The following NOL10 variants were observed in gnomAD, a reference collection of about 807,000 sequenced individuals.
The protein encoded by NOL10 is nucleolar protein 10.
In NOL10, 58 loss-of-function variants were observed where a neutral mutation model predicts 103.5. That is an observed-to-expected ratio of 0.56 (90% CI 0.45 to 0.70). The LOEUF (loss-of-function observed/expected upper bound fraction) is 0.70. Among genes scored for constraint, NOL10 ranks in the 30% least tolerant of loss-of-function variants. The pLI is 0.00. For synonymous variants in NOL10, 287 were observed against 282.5 expected (o/e 1.02, Z -0.16); for missense variants, 763 against 807.3 (o/e 0.95, Z 0.67).
chr2:10,683,864 G>T (rs1054931140), intron 2 of NOL10, among the ~76,000 whole-genome samples: 1 of 152,184 alleles, frequency 6.6e-6, no homozygotes, highest in African/African-American at 2.4e-5. Context: ...TCTAGCCCAG[G>T]AGTCTTGCGT....
chr2:10,602,248 G>A (rs1272799938), intron 16 of NOL10, among the ~76,000 whole-genome samples: 2 of 152,256 alleles, frequency 1.3e-5, no homozygotes, highest in Non-Finnish European at 2.9e-5. Context: ...GCAGCTCTGA[G>A]TTGGTGGCTG....
At chr2:10,617,894 G>C (rs543218941) in intron 13 of NOL10, among the ~76,000 whole-genome samples, 22 of 152,274 alleles carry the variant, frequency 1.4e-4, no homozygotes, top group African/African-American at 4.8e-4. Flanking sequence ...CAAATGCATA[G>C]ACAGAAAGTA....
chr2:10,681,269 T>C (rs1410711078), intron 3 of NOL10, among the ~76,000 whole-genome samples: 1 of 141,516 alleles, frequency 7.1e-6, no homozygotes, highest in East Asian at 2.0e-4. Flanking sequence ...TAGAATGAAA[T>C]ATCTTTTGGT....
At chr2:10,631,846 C>G (rs1677869412) in intron 13 of NOL10, among the ~76,000 whole-genome samples, 1 of 152,068 alleles carries the variant, frequency 6.6e-6, no homozygotes, top group Non-Finnish European at 1.5e-5. Flanking sequence ...TCCCTAGTAG[C>G]TGGGATTACA....
At chr2:10,656,472 T>C (rs954715907) in intron 11 of NOL10, among the ~76,000 whole-genome samples, 1 of 152,164 alleles carries the variant, frequency 6.6e-6, no homozygotes, top group Non-Finnish European at 1.5e-5. Flanking sequence ...ATGAATTAGG[T>C]GAGGGCCTCA....
At chr2:10,602,237 C>G (rs756789039) in intron 16 of NOL10, among the ~76,000 whole-genome samples, 3 of 152,234 alleles carry the variant, frequency 2.0e-5, no homozygotes, top group African/African-American at 7.2e-5. Context: ...CAGGCTGTTC[C>G]GCAGCTCTGA....
chr2:10,659,511 T>C (rs1340449067), intron 9 of NOL10, among the ~76,000 whole-genome samples: 6 of 141,758 alleles, frequency 4.2e-5, no homozygotes, highest in African/African-American at 1.5e-4. Context: ...ACACCATCTC[T>C]ACAAAAAATT....
intron 11 of NOL10, among the ~76,000 whole-genome samples, chr2:10,655,256 GAAAGA>G (rs1412222318): frequency 6.7e-6 from 1 of 149,934 alleles, no homozygotes; most frequent in Non-Finnish European, 1.5e-5. Context: ...AGGAAGAAAG[GAAAGA>G]AAAGAAGGGA....
intron 19 of NOL10, among the ~76,000 whole-genome samples, chr2:10,581,943 C>A (rs569446392): frequency 6.6e-6 from 1 of 152,286 alleles, no homozygotes; most frequent in South Asian, 2.1e-4. Flanking sequence ...GTGGTGCACA[C>A]ACAGCCATGA....
intron 2 of NOL10, among the ~76,000 whole-genome samples, chr2:10,682,574 A>AT (rs369657538): frequency 6.6e-6 from 1 of 151,600 alleles, no homozygotes; most frequent in African/African-American, 2.4e-5. Flanking sequence ...GTATTTTTGT[A>AT]TTTTTTGTAG....
chr2:10,621,014 G>A (rs1402686733), intron 13 of NOL10, among the ~76,000 whole-genome samples: 3 of 152,152 alleles, frequency 2.0e-5, no homozygotes, highest in African/African-American at 4.8e-5. Context: ...GGCTGGTCTC[G>A]AACTCCTGAG....
intron 3 of NOL10, among the ~76,000 whole-genome samples, chr2:10,677,153 G>T (rs1225681353): frequency 1.3e-5 from 2 of 152,066 alleles, no homozygotes; most frequent in African/African-American, 4.8e-5. Context: ...TGGCCAGGCT[G>T]GTCTTGAACT....
chr2:10,642,632 G>T (rs1328984265), intron 13 of NOL10, among the ~76,000 whole-genome samples: 1 of 151,890 alleles, frequency 6.6e-6, no homozygotes, highest in African/African-American at 2.4e-5. Flanking sequence ...CCACTCTACT[G>T]TCAAGATCCG....
chr2:10,615,696 G>A (rs1676798222), intron 13 of NOL10, among the ~76,000 whole-genome samples: 1 of 152,180 alleles, frequency 6.6e-6, no homozygotes, highest in Non-Finnish European at 1.5e-5. Context: ...TTACAGAGGT[G>A]AACAGCAAAG....
chr2:10,651,169 C>T (rs575197835), intron 12 of NOL10, among the ~76,000 whole-genome samples: 4 of 152,160 alleles, frequency 2.6e-5, no homozygotes, highest in African/African-American at 7.2e-5. Context: ...ACACAGCCTG[C>T]GGGGGCCAAC....
chr2:10,659,110 G>T, intron 10 of NOL10, 62 bp downstream of exon 10: 2 of 1,086,982 alleles, frequency 1.8e-6, no homozygotes, highest in Non-Finnish European at 2.8e-6. Flanking sequence ...TATTTCTCAT[G>T]ACACATACAC....
chr2:10,605,491 T>C (rs1292723215), intron 14 of NOL10, among the ~76,000 whole-genome samples: 1 of 152,198 alleles, frequency 6.6e-6, no homozygotes, highest in East Asian at 1.9e-4. Flanking sequence ...CATAAAATGC[T>C]TTCTAGTATA....
intron 20 of NOL10, among the ~76,000 whole-genome samples, chr2:10,572,494 C>A (rs1674232227): frequency 6.6e-6 from 1 of 152,176 alleles, no homozygotes; most frequent in Non-Finnish European, 1.5e-5. Flanking sequence ...ACTGGTTTTT[C>A]AACCAACACA....
At chr2:10,620,244 GCTTT>G (rs953710322) in intron 13 of NOL10, among the ~76,000 whole-genome samples, 16 of 152,098 alleles carry the variant, frequency 1.1e-4, no homozygotes, top group African/African-American at 3.6e-4. Context: ...TATTCTTATT[GCTTT>G]CTAATTCTTA....
Sources: allele counts gnomAD v4.1 joint callset (sites outside exome capture counted in the v4.1 genomes callset), GRCh38; gene constraint gnomAD v4.1.1; transcripts MANE v1.5; gene names NCBI Gene and HGNC (gene_info 2026-07-23, HGNC 2026-07-21).